The following DPYD variants were observed in gnomAD, a reference collection of about 807,000 sequenced individuals.
DPYD encodes dihydropyrimidine dehydrogenase [NADP(+)].
In DPYD, 109 loss-of-function variants were observed where a neutral mutation model predicts 116.2. The ratio of observed to expected loss-of-function variants is 0.94; its 90% CI spans 0.80 to 1.10. DPYD has a LOEUF of 1.10. Ranked by LOEUF, DPYD falls within the 50% of genes least tolerant of loss-of-function variation. The pLI, the probability that DPYD is intolerant of heterozygous loss-of-function variation, is 0.00. For missense variants in DPYD, 1,302 were observed against 1,254.5 expected (o/e 1.04, Z -0.57); for synonymous variants, 440 against 432.0 (o/e 1.02, Z -0.23).
intron 14 of DPYD, among the ~76,000 whole-genome samples, chr1:97,399,421 G>C (rs1469358234): frequency 6.7e-6 from 1 of 149,884 alleles, no homozygotes; most frequent in Non-Finnish European, 1.5e-5. Context: ...GATTGACTTG[G>C]CAATGTGGGC....
intron 18 of DPYD, among the ~76,000 whole-genome samples, chr1:97,253,801 A>G (rs889153945): frequency 6.6e-6 from 1 of 152,134 alleles, no homozygotes; most frequent in Non-Finnish European, 1.5e-5. Context: ...TATTTTTAAA[A>G]GTTTCCCCTA....
At chr1:97,557,671 A>G (rs1020068839) in intron 11 of DPYD, among the ~76,000 whole-genome samples, 1 of 152,160 alleles carries the variant, frequency 6.6e-6, no homozygotes, top group African/African-American at 2.4e-5. Flanking sequence ...ATAATCCATG[A>G]ATCTTGTTTC....
intron 20 of DPYD, among the ~76,000 whole-genome samples, chr1:97,169,264 T>C (rs543870068): frequency 6.4e-4 from 98 of 152,296 alleles, no homozygotes; most frequent in South Asian, 1.5e-3. Context: ...CATTTACTTC[T>C]CTATGGAATG....
intron 3 of DPYD, among the ~76,000 whole-genome samples, chr1:97,804,045 T>C (rs1345474330): frequency 6.6e-6 from 1 of 151,788 alleles, no homozygotes; most frequent in Non-Finnish European, 1.5e-5. Context: ...TTGTGCTAAA[T>C]AGCAATGAAA....
chr1:97,669,058 T>A (rs1017049032), intron 8 of DPYD, among the ~76,000 whole-genome samples: 3 of 151,734 alleles, frequency 2.0e-5, no homozygotes, highest in Non-Finnish European at 4.4e-5. Context: ...AAAATGAACA[T>A]CTGTTAACTT....
intron 8 of DPYD, among the ~76,000 whole-genome samples, chr1:97,636,338 A>G (rs1427760089): frequency 3.3e-5 from 5 of 151,808 alleles, no homozygotes; most frequent in Non-Finnish European, 7.4e-5. Context: ...AACTGGCCCC[A>G]CCTTTCTCTA....
At chr1:97,693,982 C>A (rs1661166740) in intron 6 of DPYD, among the ~76,000 whole-genome samples, 1 of 152,174 alleles carries the variant, frequency 6.6e-6, no homozygotes, top group African/African-American at 2.4e-5. Flanking sequence ...GAACACCTAA[C>A]CTAGCAGGAA....
In DPYD at chr1:97,638,961, C is replaced by A. The variant is rs906834202; in HGVS notation, c.850+40134G>T. Among the ~76,000 whole-genome samples the A allele has an allele frequency of 3.3e-5, 5 of 152,084 alleles. No individual in the cohort carries two copies. In the East Asian group the frequency reaches 9.7e-4, roughly 29 times the overall value. ...GATGGGATAAACATCCAAACCATAT[C>A]ATTTGGAGATGGTATCATAACGGTT... is the stretch of plus-strand genomic sequence containing the variant. On this transcript the variant is annotated intron_variant, in intron 8 of 22. Coordinates refer to ENST00000370192, the MANE Select transcript of DPYD (RefSeq NM_000110.4).
At chr1:97,884,479 G>A (rs1419516288) in intron 1 of DPYD, among the ~76,000 whole-genome samples, 1 of 152,036 alleles carries the variant, frequency 6.6e-6, no homozygotes, top group Non-Finnish European at 1.5e-5. Flanking sequence ...AATTTGTTTT[G>A]TATTAACACA....
intron 19 of DPYD, among the ~76,000 whole-genome samples, chr1:97,228,050 T>C (rs756985786): frequency 2.0e-5 from 3 of 151,836 alleles, no homozygotes; most frequent in Non-Finnish European, 4.4e-5. Context: ...ACTTATCTTA[T>C]GTTAAATATA....
At chr1:97,581,760 A>G (rs1019345243) in intron 10 of DPYD, among the ~76,000 whole-genome samples, 30 of 151,488 alleles carry the variant, frequency 2.0e-4, no homozygotes, top group Non-Finnish European at 3.8e-4. Context: ...AAAAAAAAAA[A>G]AAAAAAAGAA....
chr1:97,812,208 C>T (rs1002350381), intron 3 of DPYD, among the ~76,000 whole-genome samples: 4 of 152,114 alleles, frequency 2.6e-5, no homozygotes, highest in African/African-American at 7.2e-5. Flanking sequence ...AGTAAATCTA[C>T]CCCTAGGCAC....
At chr1:97,645,908 C>G (rs1658232360) in intron 8 of DPYD, among the ~76,000 whole-genome samples, 1 of 152,018 alleles carries the variant, frequency 6.6e-6, no homozygotes, top group South Asian at 2.1e-4. Context: ...ATATCAAATA[C>G]TTGGCTCACA....
chr1:97,731,499 A>G (rs987884826), intron 4 of DPYD, among the ~76,000 whole-genome samples: 4 of 152,126 alleles, frequency 2.6e-5, no homozygotes, highest in Non-Finnish European at 4.4e-5. Context: ...AATAGCACTT[A>G]CAAAATTTGG....
At chr1:97,473,850 CAT>C (rs1267992323) in intron 13 of DPYD, among the ~76,000 whole-genome samples, 1 of 151,390 alleles carries the variant, frequency 6.6e-6, no homozygotes, top group East Asian at 1.9e-4. Context: ...CTACAAAAAA[CAT>C]AGAAAAAAAC....
At chr1:97,129,605 T>G (rs1653120027) in intron 20 of DPYD, among the ~76,000 whole-genome samples, 1 of 152,130 alleles carries the variant, frequency 6.6e-6, no homozygotes, top group Admixed American at 6.6e-5. Flanking sequence ...CCGTGGCTCT[T>G]CCGCAGGTTT....
chr1:97,559,121 G>A (rs900268222), intron 11 of DPYD, among the ~76,000 whole-genome samples: 3 of 151,992 alleles, frequency 2.0e-5, no homozygotes, highest in Admixed American at 6.6e-5. Context: ...TGATAATTAT[G>A]AGATAGTGAA....
intron 14 of DPYD, among the ~76,000 whole-genome samples, chr1:97,414,897 C>CT (rs1325578317): frequency 6.6e-6 from 1 of 151,980 alleles, no homozygotes; most frequent in Admixed American, 6.6e-5. Flanking sequence ...GTCAGCAAAT[C>CT]TTTTTTTTAG....
chr1:97,689,068 CTTT>C (rs200273261), intron 7 of DPYD, among the ~76,000 whole-genome samples: 1 of 142,316 alleles, frequency 7.0e-6, no homozygotes, highest in Non-Finnish European at 1.5e-5. Flanking sequence ...TATTATACCT[CTTT>C]TTTTTTTTAA....
Sources: gnomAD v4.1 joint callset for allele counts (sites outside exome capture counted in the v4.1 genomes callset) on GRCh38, gnomAD v4.1.1 for gene constraint, MANE v1.5 for transcripts, NCBI Gene and HGNC (gene_info 2026-07-23, HGNC 2026-07-21) for gene names.